RASAL2: variants seen among roughly 807,000 people sequenced by gnomAD.
RASAL2 encodes ras GTPase-activating protein nGAP.
A neutral mutation model predicts 128.9 loss-of-function variants in RASAL2; 58 were observed. That is an observed-to-expected ratio of 0.45 (90% CI 0.36 to 0.56). The LOEUF (loss-of-function observed/expected upper bound fraction) is 0.56. Ranked by LOEUF, RASAL2 falls within the 20% of genes least tolerant of loss-of-function variation. The pLI is 0.00. For synonymous variants in RASAL2, 561 were observed against 580.8 expected, an observed-to-expected ratio of 0.97 and a Z score of 0.49; for missense variants, 1,360 against 1,601.6, an observed-to-expected ratio of 0.85 and a Z score of 2.57.
In RASAL2 at chr1:178,222,224, C is replaced by T. The variant is rs1208667382; in HGVS notation, c.203-61340C>T. 1.6e-4 allele frequency among the ~76,000 whole-genome samples: 25 copies of T among 151,956 alleles called. 1 individual carries two copies. The highest frequency in any genetic ancestry group is 1.6e-3 in the Admixed American group (25 of 15,254). On this transcript the variant is annotated intron_variant, in intron 1 of 17. Coordinates refer to ENST00000367649, the MANE Select transcript of RASAL2 (RefSeq NM_170692.4). The stretch of plus-strand genomic sequence containing the variant: ...TATTTTTAAATTGGATTTAGATTAT[C>T]GATGTGTAAAAGTGATTATTGATAT...
chr1:178,372,631 AATATT>A (rs1187544014), intron 3 of RASAL2, among the ~76,000 whole-genome samples: 19 of 152,132 alleles, frequency 1.2e-4, no homozygotes, highest in African/African-American at 4.1e-4. Flanking sequence ...CAACCAAAAT[AATATT>A]ATTGTTTTAC....
At chr1:178,288,675 G>T (rs1571786781) in intron 2 of RASAL2, among the ~76,000 whole-genome samples, 1 of 90,470 alleles carries the variant, frequency 1.1e-5, no homozygotes. Flanking sequence ...TTTTGAGACA[G>T]ACTTTCACTC....
At position 178,443,106 on chromosome 1, in the gene RASAL2, A is replaced by AG. The variant is rs1676783966; in HGVS notation, c.1360dup (p.Glu454GlyfsTer15). 6.2e-7 allele frequency: 1 copy of AG among 1,613,896 alleles called. No individual in the cohort carries two copies. Among genetic ancestry groups the AG allele is most frequent in the Admixed American group, 1.7e-5 (1 of 59,950 alleles). On this transcript the variant is annotated frameshift_variant, in exon 8 of 18. Coordinates refer to ENST00000367649, the MANE Select transcript of RASAL2 (RefSeq NM_170692.4). LOFTEE classifies it high-confidence loss of function. ...CTATGGAGCAATACAAAGAATTTGC[A>AG]GAATTTGTCACCAGCAACTACACCA...
intron 1 of RASAL2, among the ~76,000 whole-genome samples, chr1:178,256,847 GTA>G (rs1411847892): frequency 6.6e-6 from 1 of 151,920 alleles, no homozygotes; most frequent in Non-Finnish European, 1.5e-5. Context: ...CTAAAGTTTT[GTA>G]TTTTAGTAGA....
intron 5 of RASAL2, among the ~76,000 whole-genome samples, chr1:178,439,085 A>C (rs1417603872): frequency 2.6e-5 from 4 of 152,100 alleles, no homozygotes; most frequent in Non-Finnish European, 5.9e-5. Context: ...GATAACCTTA[A>C]AGAGTATATA....
At chr1:178,259,154 G>A (rs1304681044) in intron 1 of RASAL2, among the ~76,000 whole-genome samples, 29 of 134,920 alleles carry the variant, frequency 2.1e-4, no homozygotes, top group Non-Finnish European at 3.4e-4. Context: ...TTTTTGAGAC[G>A]GAGTCTCGCT....
chr1:178,393,693 G>A (rs871102), intron 4 of RASAL2, among the ~76,000 whole-genome samples: 3,571 of 152,156 alleles, frequency 0.023, 61 homozygotes, highest in Middle Eastern at 0.058. Flanking sequence ...CACACATACC[G>A]TAATTCCAAT....
At chr1:178,416,979 G>GT (rs1674800956) in intron 4 of RASAL2, among the ~76,000 whole-genome samples, 1 of 134,052 alleles carries the variant, frequency 7.5e-6, no homozygotes, top group Admixed American at 7.3e-5. Context: ...TTTCTTTTAG[G>GT]GTTTTTTTTT....
At chr1:178,275,122 C>T (rs143531220) in intron 1 of RASAL2, among the ~76,000 whole-genome samples, 151 of 152,256 alleles carry the variant, frequency 9.9e-4, no homozygotes, top group African/African-American at 3.4e-3. Flanking sequence ...CATAAGACTC[C>T]ATTCAGTTAA....
At chr1:178,347,539 GA>G in intron 3 of RASAL2, among the ~76,000 whole-genome samples, 1 of 152,264 alleles carries the variant, frequency 6.6e-6, no homozygotes, top group South Asian at 2.1e-4. Flanking sequence ...TAATCCAGAT[GA>G]CCATTTAGTA....
chr1:178,112,279 C>G (rs899557857), intron 1 of RASAL2, among the ~76,000 whole-genome samples: 1 of 152,046 alleles, frequency 6.6e-6, no homozygotes, highest in Admixed American at 6.6e-5. Context: ...CAGCTGGGCA[C>G]GGTGGCTCAT....
intron 3 of RASAL2, chr1:178,341,629 A>C (rs758918735): frequency 6.2e-7 from 1 of 1,613,916 alleles, no homozygotes; most frequent in Admixed American, 1.7e-5. Flanking sequence ...GTAGAGTCTG[A>C]GACCGAAATG....
intron 1 of RASAL2, among the ~76,000 whole-genome samples, chr1:178,270,176 T>G (rs528563321): frequency 3.3e-5 from 5 of 152,190 alleles, no homozygotes; most frequent in Non-Finnish European, 5.9e-5. Flanking sequence ...ATAACTGTTT[T>G]TTTTCTTACT....
At chr1:178,107,371 A>G (rs995977536) in intron 1 of RASAL2, among the ~76,000 whole-genome samples, 2 of 152,180 alleles carry the variant, frequency 1.3e-5, no homozygotes, top group Non-Finnish European at 2.9e-5. Context: ...ACCCATGTGG[A>G]TAGTAACAGA....
At chr1:178,365,840 G>GT (rs1211624917) in intron 3 of RASAL2, among the ~76,000 whole-genome samples, 1 of 152,054 alleles carries the variant, frequency 6.6e-6, no homozygotes, top group African/African-American at 2.4e-5. Flanking sequence ...TTGAATGTCC[G>GT]TAAGTTCAAT....
chr1:178,421,272 T>A (rs1396332376), intron 5 of RASAL2, among the ~76,000 whole-genome samples: 1 of 152,178 alleles, frequency 6.6e-6, no homozygotes. Context: ...TGGATTTCCA[T>A]AATTAGGACT....
intron 3 of RASAL2, among the ~76,000 whole-genome samples, chr1:178,377,583 G>A (rs890592078): frequency 6.6e-5 from 10 of 152,080 alleles, no homozygotes; most frequent in Admixed American, 2.6e-4. Context: ...CTTCCCCATA[G>A]GACTGGGCCT....
rs546910178 is a variant in RASAL2, at chr1:178,232,033, G to A, written c.203-51531G>A. Among the ~76,000 whole-genome samples the A allele has an allele frequency of 3.0e-4, 45 of 152,282 alleles. 1 individual carries two copies. The highest frequency in any genetic ancestry group is 1.1e-3 in the African/African-American group (45 of 41,564). ...GACCATAATAAGAAAAAGACTTAGT[G>A]TGAGACCTGTTTTTCATTGTAAAAC... On this transcript the variant is annotated intron_variant, in intron 1 of 17. Transcript: ENST00000367649.
chr1:178,154,879 A>G (rs974385703), intron 1 of RASAL2, among the ~76,000 whole-genome samples: 3 of 152,158 alleles, frequency 2.0e-5, no homozygotes, highest in African/African-American at 7.2e-5. Flanking sequence ...GCTGGAGTGC[A>G]AGGGTGCCAT....
Sources: allele counts gnomAD v4.1 joint callset (sites outside exome capture counted in the v4.1 genomes callset), GRCh38; gene constraint gnomAD v4.1.1; transcripts MANE v1.5; gene names NCBI Gene and HGNC (gene_info 2026-07-23, HGNC 2026-07-21).